The following TJP1 variants were observed in gnomAD, a reference collection of about 807,000 sequenced individuals.
The protein encoded by TJP1 is tight junction protein 1.
A neutral mutation model predicts 194.2 loss-of-function variants in TJP1; 43 were observed. The ratio of observed to expected loss-of-function variants is 0.22; its 90% CI spans 0.17 to 0.29. The LOEUF (loss-of-function observed/expected upper bound fraction) is 0.29, where lower values mean the gene tolerates loss of function less well. TJP1 is among the 10% of genes least tolerant of loss of function. The pLI, the probability that TJP1 is intolerant of heterozygous loss-of-function variation, is 1.00. For synonymous variants in TJP1, 801 were observed against 779.0 expected, an observed-to-expected ratio of 1.03 and a Z score of -0.47; for missense variants, 1,971 against 2,185.7, an observed-to-expected ratio of 0.90 and a Z score of 1.96.
downstream of TJP1, chr15:29,699,550 C>G (rs1315737123): frequency 6.6e-6 from 1 of 152,092 alleles, no homozygotes; most frequent in Admixed American, 6.5e-5. Context: ...AAAATTTGAA[C>G]TATACATTTT....
intron 1 of TJP1, among the ~76,000 whole-genome samples, chr15:29,961,334 C>CTTTTTTTTTTTTTTTTTTTTTTTTTTTT (rs5811594): frequency 2.2e-5 from 2 of 89,818 alleles, no homozygotes; most frequent in African/African-American, 4.6e-5. Flanking sequence ...TTTCCTAATT[C>CTTTTTTTTTTTTTTTTTTTTTTTTTTTT]TTTTTTTTTT....
chr15:29,704,233 C>T lies in TJP1; in HGVS notation c.5141G>A (p.Arg1714His), dbSNP rs1363862199. The T allele has an allele frequency of 3.1e-6, 5 of 1,595,312 alleles. No homozygotes were observed. The highest frequency in any genetic ancestry group is 1.7e-4 in the Middle Eastern group (1 of 6,046). ...AGTCATGGACGCACAGTGTGGTAAG[C>T]GCAGCTCCACAGGCTTCAGGAACTT... ...GLKFLKPVELRLPHCASMTPD... is the reference protein window; with the variant it reads ...GLKFLKPVELHLPHCASMTPD... Residue 1714 changes from arginine (R) to histidine (H), a missense_variant, in exon 27 of 28, where the codon CGC becomes CAC. Arg to His is a conservative substitution (Grantham distance 29). Coordinates refer to ENST00000614355, the MANE Select transcript of TJP1 (RefSeq NM_001330239.4).
At chr15:29,857,982 C>T (rs1331547528) in intron 2 of TJP1, among the ~76,000 whole-genome samples, 4 of 152,112 alleles carry the variant, frequency 2.6e-5, no homozygotes, top group Admixed American at 6.5e-5. Context: ...AGGCTGGTCT[C>T]GAACTCCTGA....
At chr15:29,789,702 T>C (rs890398195) in intron 2 of TJP1, among the ~76,000 whole-genome samples, 5 of 152,176 alleles carry the variant, frequency 3.3e-5, no homozygotes, top group African/African-American at 7.2e-5. Flanking sequence ...TTTCATAAAA[T>C]TGACTGTCAG....
At chr15:29,899,799 C>T (rs572337901) in intron 2 of TJP1, among the ~76,000 whole-genome samples, 2 of 152,186 alleles carry the variant, frequency 1.3e-5, no homozygotes, top group Non-Finnish European at 2.9e-5. Flanking sequence ...CTCACCCACA[C>T]ACTAACACAA....
At position 29,736,416 on chromosome 15, in the gene TJP1, C is replaced by A. The variant is rs370571853; in HGVS notation, c.1407+848G>T. On this transcript the variant is annotated intron_variant, in intron 11 of 27. Coordinates refer to ENST00000614355, the MANE Select transcript of TJP1 (RefSeq NM_001330239.4). ...CAGGAGGCTGAATCCAGGACACTGG[C>A]AAGAGGCAGGCTGAGTACAGAAAGA... Among the ~76,000 whole-genome samples the A allele has an allele frequency of 3.3e-5, 5 of 152,312 alleles. No individual in the cohort carries two copies. The East Asian group carries it at 9.6e-4, about 29-fold the overall frequency.
At chr15:29,757,984 G>A (rs1279025318) in intron 8 of TJP1, among the ~76,000 whole-genome samples, 1 of 152,158 alleles carries the variant, frequency 6.6e-6, no homozygotes, top group East Asian at 1.9e-4. Context: ...GGAAAACGAG[G>A]ATGAAGACCT....
chr15:29,906,298 C>A (rs1305309625), intron 2 of TJP1, among the ~76,000 whole-genome samples: 1 of 151,786 alleles, frequency 6.6e-6, no homozygotes, highest in East Asian at 2.0e-4. Context: ...TATGGTGAAA[C>A]CTCATCTCTA....
At chr15:29,762,264 C>A in intron 6 of TJP1, 71 bp downstream of exon 6, 1 of 1,302,268 alleles carries the variant, frequency 7.7e-7, no homozygotes, top group Non-Finnish European at 1.1e-6. Context: ...CAAACAAGAG[C>A]ACAGACTACA....
chr15:29,809,927 C>A (rs1308949826), intron 1 of TJP1, among the ~76,000 whole-genome samples: 1 of 151,868 alleles, frequency 6.6e-6, no homozygotes, highest in Admixed American at 6.6e-5. Flanking sequence ...AGTTATAGTA[C>A]TTTTAAAAAA....
intron 2 of TJP1, among the ~76,000 whole-genome samples, chr15:29,777,201 A>C (rs2047071080): frequency 6.6e-6 from 1 of 152,218 alleles, no homozygotes; most frequent in Admixed American, 6.5e-5. Flanking sequence ...TCATTCTTAA[A>C]TAAAACTGAA....
intron 2 of TJP1, among the ~76,000 whole-genome samples, chr15:29,781,019 G>A (rs1450242994): frequency 2.0e-5 from 3 of 151,792 alleles, no homozygotes; most frequent in East Asian, 1.9e-4. Flanking sequence ...AGCCAGGCAC[G>A]AAACACCATT....
chr15:29,930,659 A>G (rs1295428730), intron 2 of TJP1, among the ~76,000 whole-genome samples: 1 of 148,684 alleles, frequency 6.7e-6, no homozygotes, highest in Non-Finnish European at 1.5e-5. Context: ...TCCCTTTAAA[A>G]TCTGGACTAA....
intron 18 of TJP1, among the ~76,000 whole-genome samples, chr15:29,722,137 G>A (rs1312651351): frequency 2.0e-5 from 3 of 152,232 alleles, no homozygotes; most frequent in East Asian, 1.9e-4. Flanking sequence ...AGGAATTCAA[G>A]CTGGCTGCAG....
intron 2 of TJP1, among the ~76,000 whole-genome samples, chr15:29,864,345 T>C (rs1200387926): frequency 1.3e-5 from 2 of 149,692 alleles, no homozygotes; most frequent in Non-Finnish European, 3.0e-5. Flanking sequence ...CGGGAGTCAG[T>C]ACCCTAGTTC....
intron 10 of TJP1, among the ~76,000 whole-genome samples, chr15:29,739,600 C>T (rs1050635983): frequency 4.6e-5 from 7 of 151,642 alleles, no homozygotes; most frequent in Admixed American, 6.6e-5. Flanking sequence ...CCCGCCACCA[C>T]GCCCGGCTAA....
intron 2 of TJP1, among the ~76,000 whole-genome samples, chr15:29,880,929 C>G (rs1156331776): frequency 6.6e-6 from 1 of 152,156 alleles, no homozygotes; most frequent in Non-Finnish European, 1.5e-5. Context: ...TCTTCAAGAT[C>G]CTGTTTTCGC....
chr15:29,926,851 T>C (rs560214090), intron 2 of TJP1, among the ~76,000 whole-genome samples: 2 of 152,278 alleles, frequency 1.3e-5, no homozygotes, highest in African/African-American at 4.8e-5. Flanking sequence ...GTAGTGAAAA[T>C]GACTGACACG....
chr15:29,803,385 T>C (rs544701348), intron 1 of TJP1, among the ~76,000 whole-genome samples: 3 of 152,282 alleles, frequency 2.0e-5, no homozygotes, highest in East Asian at 1.9e-4. Flanking sequence ...CAACACTTTA[T>C]TGTGAAGTAA....
Sources: allele counts gnomAD v4.1 joint callset (sites outside exome capture counted in the v4.1 genomes callset), GRCh38; gene constraint gnomAD v4.1.1; transcripts MANE v1.5; gene names NCBI Gene and HGNC (gene_info 2026-07-23, HGNC 2026-07-21).